COMT: variants seen among roughly 807,000 people sequenced by gnomAD.
COMT encodes catechol-O-methyltransferase, also known as catechol O-methyltransferase.
A neutral mutation model predicts 18.9 loss-of-function variants in COMT; 13 were observed. That is an observed-to-expected ratio of 0.69 (90% CI 0.45 to 1.09). COMT has a LOEUF of 1.09. Among genes scored for constraint, COMT ranks in the 50% least tolerant of loss-of-function variants. The probability of loss-of-function intolerance (pLI) is 0.00; values close to 1 mark genes in which losing one functional copy is unlikely to be tolerated. For missense variants in COMT, 329 were observed against 361.8 expected, an observed-to-expected ratio of 0.91 and a Z score of 0.73; for synonymous variants, 150 against 160.9, an observed-to-expected ratio of 0.93 and a Z score of 0.51.
intron 1 of COMT, among the ~76,000 whole-genome samples, chr22:19,960,159 C>T (rs1942162346): frequency 6.6e-6 from 1 of 152,242 alleles, no homozygotes; most frequent in Non-Finnish European, 1.5e-5. Context: ...AGTATTAACG[C>T]AGATTTGGAT....
chr22:19,966,178 T>C (rs1270849960), intron 5 of COMT, among the ~76,000 whole-genome samples: 1 of 152,146 alleles, frequency 6.6e-6, no homozygotes, highest in Non-Finnish European at 1.5e-5. Context: ...GGAATGGGTG[T>C]CCTTGTTAAA....
In COMT at chr22:19,969,859, C is replaced by T. The variant is rs920814309; in HGVS notation, c.*1123C>T. 1.6e-5 allele frequency: 16 copies of T among 985,318 alleles called. No homozygotes were observed. The highest frequency in any genetic ancestry group is 1.8e-5 in the Non-Finnish European group (15 of 829,918). The allele number at this position is 985,318 out of a possible 1,614,324, so 61.0% of individuals were successfully genotyped here. On this transcript the variant is annotated 3_prime_UTR_variant, in exon 6 of 6. Transcript: ENST00000361682. ...AGGCCCGACACAAGGGAGAAGCCAG[C>T]CACTTGTGCCAGACCTGAGTGGCAG...
At position 19,941,817 on chromosome 22, in the gene COMT, C is replaced by T; in HGVS notation, c.-172C>T. 6.6e-7 allele frequency: 1 copy of T among 1,524,064 alleles called. No homozygotes were observed. The highest frequency in any genetic ancestry group is 8.7e-7 in the Non-Finnish European group (1 of 1,146,170). The allele number at this position is 1,524,064 out of a possible 1,614,324, so 94.4% of individuals were successfully genotyped here. A position where few individuals can be genotyped will look rare whatever the true frequency, so the allele number is the denominator to read the frequency against. ...CATTGCCGCCATCGTCGTGGGGCTT[C>T]TGGGGCAGCTAGGGCTGCCCGCCGC... On this transcript the variant is annotated 5_prime_UTR_variant, in exon 1 of 6. Transcript: ENST00000361682.
chr22:19,943,592 T>G (rs1421022773), intron 1 of COMT, among the ~76,000 whole-genome samples: 4 of 151,636 alleles, frequency 2.6e-5, no homozygotes, highest in Non-Finnish European at 5.9e-5. Context: ...CCATGAGCCA[T>G]GATCTTGCCT....
chr22:19,959,972 G>A (rs1333235443), intron 1 of COMT, among the ~76,000 whole-genome samples: 2 of 152,264 alleles, frequency 1.3e-5, no homozygotes, highest in Non-Finnish European at 2.9e-5. Context: ...CCAGCCTGCA[G>A]AGTGGAGTGG....
intron 1 of COMT, among the ~76,000 whole-genome samples, chr22:19,956,656 G>A (rs913096919): frequency 1.3e-5 from 2 of 151,792 alleles, no homozygotes; most frequent in African/African-American, 2.4e-5. Flanking sequence ...GATTACAGGC[G>A]TAAGCCACCA....
intron 4 of COMT, 125 bp from the exon 5 acceptor site, chr22:19,964,043 T>C (rs1276787387): frequency 6.4e-6 from 10 of 1,564,548 alleles, no homozygotes; most frequent in South Asian, 1.1e-5. Flanking sequence ...GATGAATGCT[T>C]GTATGGGTGT....
At chr22:19,944,145 A>G (rs1544325) in intron 1 of COMT, among the ~76,000 whole-genome samples, 94,796 of 151,900 alleles carry the variant, frequency 0.62, 30,112 homozygotes, top group African/African-American at 0.73. Context: ...TGTCAGTCTG[A>G]AGAGAGTGGT....
chr22:19,969,060 T>G lies in COMT; in HGVS notation c.*324T>G. The G allele has an allele frequency of 3.9e-6, 1 of 253,266 alleles. No homozygotes were observed. The highest frequency in any genetic ancestry group is 2.3e-5 in the African/African-American group (1 of 44,058). 15.7% of individuals were successfully genotyped at this position (253,266 alleles called of 1,614,324 possible). A position where few individuals can be genotyped will look rare whatever the true frequency, so the allele number is the denominator to read the frequency against. On this transcript the variant is annotated 3_prime_UTR_variant, in exon 6 of 6. Coordinates refer to ENST00000361682, the MANE Select transcript of COMT (RefSeq NM_000754.4). ...CTTAGTACATCCTTCTCAACTGCCA[T>G]TCCCCTGCTGCCCTTGACTTGGGCA...
intron 1 of COMT, among the ~76,000 whole-genome samples, chr22:19,953,671 G>A (rs765811049): frequency 1.5e-4 from 23 of 152,232 alleles, no homozygotes; most frequent in Middle Eastern, 3.4e-3. Flanking sequence ...TCAGTCCAGC[G>A]GGGCAGATGG....
At chr22:19,951,534 G>A (rs1041710428) in intron 1 of COMT, 6 of 152,190 alleles carry the variant, frequency 3.9e-5, no homozygotes, top group Admixed American at 1.3e-4. Context: ...GAGATAACAC[G>A]GATCGCTGTG....
At chr22:19,966,983 G>C (rs1942434663) in intron 5 of COMT, 3 of 985,332 alleles carry the variant, frequency 3.0e-6, no homozygotes, top group South Asian at 4.7e-5. Flanking sequence ...TGTTTAGCCA[G>C]TTCTCCAGGT....
In COMT at chr22:19,963,329, A is replaced by G. The variant is rs1355914595; in HGVS notation, c.290-237A>G. On this transcript the variant is annotated intron_variant, in intron 3 of 5. Transcript: ENST00000361682. ...AGGGACCAGCGTGAGCATAGAGGCT[A>G]AGGGACCATGGGAGCTCCAAGCGCG... 5 of 604,556 alleles carry G rather than the reference A, an allele frequency of 8.3e-6. No individual in the cohort carries two copies. The East Asian group carries it at 1.4e-4, about 17-fold the overall frequency. The allele number at this position is 604,556 out of a possible 1,614,324, so 37.4% of individuals were successfully genotyped here. A position where few individuals can be genotyped will look rare whatever the true frequency, so the allele number is the denominator to read the frequency against.
chr22:19,950,779 G>A (rs1311554458), intron 1 of COMT, among the ~76,000 whole-genome samples: 4 of 152,188 alleles, frequency 2.6e-5, no homozygotes, highest in African/African-American at 7.2e-5. Context: ...GAGATCTCAA[G>A]TATCCCAAAG....
chr22:19,954,474 T>G (rs1203389654), intron 1 of COMT, among the ~76,000 whole-genome samples: 1 of 152,140 alleles, frequency 6.6e-6, no homozygotes, highest in Non-Finnish European at 1.5e-5. Flanking sequence ...TGTTTTGAGA[T>G]GGAGTCCCAC....
At chr22:19,942,553 C>A (rs2146122415) in intron 1 of COMT, among the ~76,000 whole-genome samples, 1 of 152,290 alleles carries the variant, frequency 6.6e-6, no homozygotes, top group Middle Eastern at 3.4e-3. Flanking sequence ...TCACTCCGGG[C>A]CTGCCCTGCT....
rs1942277338 is a variant in COMT, at chr22:19,964,150, T to C, written c.484-18T>C. On this transcript the variant is annotated intron_variant, in intron 4 of 5. Transcript: ENST00000361682. ...CTCCTGTCTGTGAGGACGTGGGCAC[T>C]GACAGGCGCTGTTCCAGGTCACCCT... The C allele has an allele frequency of 1.2e-6, 2 of 1,613,900 alleles. No individual in the cohort carries two copies. Among genetic ancestry groups the C allele is most frequent in the African/African-American group, 2.7e-5 (2 of 74,928 alleles).
chr22:19,942,042 G>T (rs1476319532), intron 1 of COMT, 145 bp downstream of exon 1: 1 of 416,314 alleles, frequency 2.4e-6, no homozygotes, highest in Non-Finnish European at 4.2e-6. Context: ...TCCGGACTTG[G>T]GGTGGGGAAT....
intron 5 of COMT, chr22:19,967,349 G>T: frequency 3.4e-6 from 2 of 590,976 alleles, no homozygotes; most frequent in Non-Finnish European, 3.0e-6. Context: ...CCTCCTCCCG[G>T]GTGGCGCTTT....
Sources: allele counts gnomAD v4.1 joint callset (sites outside exome capture counted in the v4.1 genomes callset), GRCh38; gene constraint gnomAD v4.1.1; transcripts MANE v1.5; gene names NCBI Gene and HGNC (gene_info 2026-07-23, HGNC 2026-07-21).